TRPM3: variants seen among roughly 807,000 people sequenced by gnomAD.
TRPM3 encodes the protein transient receptor potential cation channel subfamily M member 3.
A neutral mutation model predicts 181.2 loss-of-function variants in TRPM3; 77 were observed. That is an observed-to-expected ratio of 0.42 (90% CI 0.35 to 0.51). The LOEUF is 0.51. TRPM3 is among the 20% of genes least tolerant of loss of function. The pLI is 0.01. For synonymous variants in TRPM3, 745 were observed against 796.4 expected, an observed-to-expected ratio of 0.94 and a Z score of 1.09; for missense variants, 1,759 against 2,196.7, an observed-to-expected ratio of 0.80 and a Z score of 3.98.
At chr9:70,788,167 C>T (rs1446331648) in intron 6 of TRPM3, among the ~76,000 whole-genome samples, 2 of 111,986 alleles carry the variant, frequency 1.8e-5, no homozygotes, top group Non-Finnish European at 3.5e-5. Flanking sequence ...CCCCCCTCCC[C>T]CCACCCCACC....
At chr9:70,807,201 A>G (rs1407573766) in intron 6 of TRPM3, among the ~76,000 whole-genome samples, 4 of 152,248 alleles carry the variant, frequency 2.6e-5, no homozygotes, top group Non-Finnish European at 5.9e-5. Flanking sequence ...TTTTGAATAA[A>G]TGGAGGAAAA....
At chr9:70,545,268 C>A (rs2044534046) in intron 25 of TRPM3, among the ~76,000 whole-genome samples, 1 of 152,044 alleles carries the variant, frequency 6.6e-6, no homozygotes, top group African/African-American at 2.4e-5. Flanking sequence ...ATAGTAGGTG[C>A]TCAAAAAAAG....
At chr9:71,139,564 C>T (rs528270446) in intron 1 of TRPM3, among the ~76,000 whole-genome samples, 3 of 152,090 alleles carry the variant, frequency 2.0e-5, no homozygotes, top group East Asian at 1.9e-4. Context: ...TGTCTGAGCT[C>T]GTAAATAATT....
intron 1 of TRPM3, among the ~76,000 whole-genome samples, chr9:70,952,215 T>G (rs1029517895): frequency 3.3e-5 from 5 of 152,216 alleles, no homozygotes; most frequent in Non-Finnish European, 1.5e-5. Context: ...TTGCTCATTT[T>G]ACAGCCTGAT....
chr9:71,142,871 A>C lies in TRPM3; in HGVS notation c.184-278360T>G, dbSNP rs559070450. ...TGTAATCCCAGCACACTGGGAGGCC[A>C]AGGCAGCGAGGCAGGAGAATCACTT... On this transcript the variant is annotated intron_variant, in intron 1 of 24. Transcript: ENST00000357533. Among the ~76,000 whole-genome samples, 106 of 152,064 alleles carry C rather than the reference A, an allele frequency of 7.0e-4. 1 individual carries two copies. The highest frequency in any genetic ancestry group is 2.5e-3 in the African/African-American group (104 of 41,488).
At chr9:70,775,957 T>C (rs2081277788) in intron 7 of TRPM3, 1 of 153,048 alleles carries the variant, frequency 6.5e-6, no homozygotes, top group Admixed American at 6.5e-5. Context: ...CATTTTATTA[T>C]GGTGAGAAAA....
intron 1 of TRPM3, among the ~76,000 whole-genome samples, chr9:71,268,050 A>G (rs1171492954): frequency 6.6e-6 from 1 of 152,230 alleles, no homozygotes; most frequent in Non-Finnish European, 1.5e-5. Flanking sequence ...AAACCTTGAA[A>G]TATTTTACAT....
intron 1 of TRPM3, among the ~76,000 whole-genome samples, chr9:70,962,600 A>G (rs182925559): frequency 6.6e-6 from 1 of 152,290 alleles, no homozygotes; most frequent in African/African-American, 2.4e-5. Context: ...GGATGCCTGA[A>G]ATCATGGATA....
Position 70,862,992 on chromosome 9 carries a change from G to A in TRPM3, c.378C>T (p.Ser126=). Residue 126 remains serine, a synonymous_variant, in exon 3 of 26, where the codon TCC becomes TCT. Transcript: ENST00000677713. The part of the protein sequence containing the change: ...SRNDIQSEKW[S]ISKHTQLSPT... ...GGCTGAGTTGAGTGTGTTTGCTGATGGACCACTTTTCAGACTGGATGTCAT... is the reference window on the plus strand; with the variant it reads ...GGCTGAGTTGAGTGTGTTTGCTGATAGACCACTTTTCAGACTGGATGTCAT... 1 of 1,613,658 alleles carries A rather than the reference G, an allele frequency of 6.2e-7. No homozygotes were observed. Among genetic ancestry groups the A allele is most frequent in the Non-Finnish European group, 8.5e-7 (1 of 1,179,720 alleles).
At chr9:71,376,971 A>G (rs2092682024) in intron 1 of TRPM3, among the ~76,000 whole-genome samples, 1 of 152,096 alleles carries the variant, frequency 6.6e-6, no homozygotes, top group Non-Finnish European at 1.5e-5. Flanking sequence ...AAAACTATAC[A>G]AATTACATTG....
At chr9:70,589,225 T>G (rs1183067729) in intron 22 of TRPM3, among the ~76,000 whole-genome samples, 2 of 152,236 alleles carry the variant, frequency 1.3e-5, no homozygotes, top group Non-Finnish European at 2.9e-5. Flanking sequence ...CAATCAGCCC[T>G]TCTTTTAAAA....
intron 1 of TRPM3, among the ~76,000 whole-genome samples, chr9:71,156,234 C>T (rs1464473377): frequency 6.6e-6 from 1 of 151,866 alleles, no homozygotes; most frequent in African/African-American, 2.4e-5. Flanking sequence ...AGATTATTTT[C>T]CTGGTTTGAA....
chr9:71,388,755 A>T (rs1176500495), intron 1 of TRPM3, among the ~76,000 whole-genome samples: 1 of 152,060 alleles, frequency 6.6e-6, no homozygotes, highest in Non-Finnish European at 1.5e-5. Flanking sequence ...ACAAAAAAGA[A>T]TTTTTTTCTT....
chr9:71,003,122 A>C (rs1249134788), intron 1 of TRPM3, among the ~76,000 whole-genome samples: 1 of 151,550 alleles, frequency 6.6e-6, no homozygotes, highest in African/African-American at 2.4e-5. Context: ...AGTTTTGTAC[A>C]ATCTTACTTG....
chr9:70,537,209 T>G lies in TRPM3; in HGVS notation c.3904A>C (p.Thr1302Pro). Reference sequence around the variant, plus strand: ...TGACGGACAATGTAGGCGGCGTCCGTGCAGTCTGACGAGGTCCTCGAGCGG... The same window carrying G: ...TGACGGACAATGTAGGCGGCGTCCGGGCAGTCTGACGAGGTCCTCGAGCGG... ...KIRSRTSSDC[T>P]DAAYIVRQSS... The change falls in exon 26 of 26, where the codon ACG becomes CCG. Residue 1302 changes from threonine (T) to proline (P), a missense_variant. Around this residue, in one of 8 missense-constraint regions of TRPM3, gnomAD observed 612 missense variants for 590.0 expected, o/e 1.04. Coordinates refer to ENST00000677713, the MANE Select transcript of TRPM3 (RefSeq NM_001366145.2). The G allele has an allele frequency of 1.3e-6, 2 of 1,597,098 alleles. No individual in the cohort carries two copies.
chr9:70,612,304 A>AAGAC (rs2062114335), intron 18 of TRPM3, among the ~76,000 whole-genome samples: 1 of 152,250 alleles, frequency 6.6e-6, no homozygotes, highest in Admixed American at 6.5e-5. Context: ...ATTACATGTG[A>AAGAC]AGACAGGGTA....
intron 8 of TRPM3, among the ~76,000 whole-genome samples, chr9:70,739,608 T>C (rs1202985250): frequency 6.6e-6 from 1 of 152,038 alleles, no homozygotes; most frequent in Non-Finnish European, 1.5e-5. Flanking sequence ...ATTTTTTTTT[T>C]TGAGTCAAGG....
chr9:71,251,183 T>C (rs1381711774), intron 1 of TRPM3, among the ~76,000 whole-genome samples: 1 of 152,220 alleles, frequency 6.6e-6, no homozygotes, highest in Non-Finnish European at 1.5e-5. Context: ...GCTTCATTAA[T>C]ATTGGTGGAT....
At chr9:71,248,284 G>A (rs533206947) in intron 1 of TRPM3, among the ~76,000 whole-genome samples, 84 of 152,206 alleles carry the variant, frequency 5.5e-4, no homozygotes, top group Non-Finnish European at 8.7e-4. Flanking sequence ...AGACAGAAGT[G>A]TTCAACCAAC....
Sources: gnomAD v4.1 joint callset for allele counts (sites outside exome capture counted in the v4.1 genomes callset) on GRCh38, gnomAD v4.1.1 for gene constraint, gnomAD v4.1.1 regional missense constraint, MANE v1.5 for transcripts, NCBI Gene and HGNC (gene_info 2026-07-23, HGNC 2026-07-21) for gene names.